The following KIRREL3 variants were observed in gnomAD, a reference collection of about 807,000 sequenced individuals.
The protein encoded by KIRREL3 is kirre like nephrin family adhesion molecule 3, also known as kin of IRRE-like protein 3.
In KIRREL3, 36 loss-of-function variants were observed where a neutral mutation model predicts 89.7. The observed-to-expected ratio is 0.40, with a 90% CI of 0.31 to 0.53. The LOEUF is 0.53. Ranked by LOEUF, KIRREL3 falls within the 20% of genes least tolerant of loss-of-function variation. KIRREL3 has a pLI of 0.49. For missense variants in KIRREL3, 864 were observed against 1,056.6 expected, an observed-to-expected ratio of 0.82 and a Z score of 2.53; for synonymous variants, 445 against 441.4, an observed-to-expected ratio of 1.01 and a Z score of -0.10.
intron 1 of KIRREL3, among the ~76,000 whole-genome samples, chr11:126,633,971 C>T (rs571124659): frequency 6.6e-6 from 1 of 152,278 alleles, no homozygotes; most frequent in Admixed American, 6.5e-5. Context: ...TACCTCCTTC[C>T]ACCTCTTCAG....
chr11:126,686,051 T>C lies in KIRREL3; in HGVS notation c.56-123139A>G, dbSNP rs1409257341. Among the ~76,000 whole-genome samples, 1 of 152,194 alleles carries C rather than the reference T, an allele frequency of 6.6e-6. No homozygotes were observed. The highest frequency in any genetic ancestry group is 1.5e-5 in the Non-Finnish European group (1 of 68,032). ...GATTGAAAGGATTGTCTACTCTGGC[T>C]CTGTGGGCACTGTTCCTGAGGTGTG... On this transcript the variant is annotated intron_variant, in intron 1 of 16. Coordinates refer to ENST00000525144, the MANE Select transcript of KIRREL3 (RefSeq NM_032531.4). This position sits in a 1 kb window ranked among gnomAD's most constrained non-coding sequence, Gnocchi z 4.7.
At chr11:126,911,376 C>T (rs971501470) in intron 1 of KIRREL3, among the ~76,000 whole-genome samples, 7 of 152,136 alleles carry the variant, frequency 4.6e-5, no homozygotes, top group African/African-American at 1.2e-4. Flanking sequence ...AGAGGGAAGC[C>T]GCCAGTGCAT....
intron 5 of KIRREL3, among the ~76,000 whole-genome samples, chr11:126,464,665 G>A (rs547644218): frequency 2.0e-5 from 3 of 152,326 alleles, no homozygotes; most frequent in South Asian, 2.1e-4. Context: ...TGAAGGTGGA[G>A]GCAGAGATTG....
chr11:126,440,163 C>G (rs954976903), intron 11 of KIRREL3: 1 of 647,802 alleles, frequency 1.5e-6, no homozygotes, highest in Admixed American at 2.1e-5. Flanking sequence ...CTCCACTACC[C>G]TCGTGTGCCC....
rs182981733 is a variant in KIRREL3 at position 126,592,272 on chromosome 11, T to C, written c.56-29360A>G. 9.4e-4 allele frequency among the ~76,000 whole-genome samples: 143 copies of C among 152,312 alleles called. 1 individual carries two copies. Among genetic ancestry groups the C allele is most frequent in the African/African-American group, 3.3e-3 (137 of 41,562 alleles). The stretch of plus-strand genomic sequence containing the variant: ...TACTATAAAGGTATCATTGTTCCCT[T>C]TATATGGATGAGAAATACTATGTCT... On this transcript the variant is annotated intron_variant, in intron 1 of 16. Coordinates refer to ENST00000525144, the MANE Select transcript of KIRREL3 (RefSeq NM_032531.4).
chr11:126,451,868 C>G (rs751447167), intron 7 of KIRREL3, among the ~76,000 whole-genome samples: 4 of 152,120 alleles, frequency 2.6e-5, no homozygotes, highest in Non-Finnish European at 5.9e-5. Flanking sequence ...GTTGAAGTGT[C>G]TATGGGGAGT....
At position 127,000,344 on chromosome 11, in the gene KIRREL3, C is replaced by A. The variant is rs754256608; in HGVS notation, c.55+111G>T. On this transcript the variant is annotated intron_variant, in intron 1 of 16. Transcript: ENST00000525144. The surrounding 1 kb of genome is among the most constrained non-coding windows in gnomAD (Gnocchi z 7.1). ...AGCATCTCAGCCCGGCACCGAGAGA[C>A]GCATCCATCAGTCCGAGTTCCCGAA... The A allele has an allele frequency of 1.3e-6, 1 of 787,896 alleles. No homozygotes were observed. The highest frequency in any genetic ancestry group is 2.0e-6 in the Non-Finnish European group (1 of 491,748). The allele number at this position is 787,896 out of a possible 1,614,324, so 48.8% of individuals were successfully genotyped here. A position where few individuals can be genotyped will look rare whatever the true frequency, so the allele number is the denominator to read the frequency against.
Position 126,807,100 on chromosome 11 carries a change from C to T in KIRREL3, c.55+193355G>A, listed in dbSNP as rs1441376680. On this transcript the variant is annotated intron_variant, in intron 1 of 16. Transcript: ENST00000525144. The surrounding 1 kb of genome is among the most constrained non-coding windows in gnomAD (Gnocchi z 4.3). ...TCTTCAAAGGGGATGAAACTGAGAC[C>T]CTGCAAGGATAACTATCTTTTTCCA... Among the ~76,000 whole-genome samples the T allele has an allele frequency of 7.9e-5, 12 of 152,068 alleles. No individual in the cohort carries two copies. Among genetic ancestry groups the T allele is most frequent in the Admixed American group, 2.0e-4 (3 of 15,278 alleles).
rs1255242473 is a variant in KIRREL3, at chr11:126,705,939, G to T, written c.56-143027C>A. On this transcript the variant is annotated intron_variant, in intron 1 of 16. Transcript: ENST00000525144. The surrounding 1 kb of genome is among the most constrained non-coding windows in gnomAD (Gnocchi z 4.3). Reference sequence around the variant, plus strand: ...TGCTCCTTTTCAGAATCTGGCCCCTGTGCTGTGAGAAGCCTACCCCACATG... The same window carrying T: ...TGCTCCTTTTCAGAATCTGGCCCCTTTGCTGTGAGAAGCCTACCCCACATG... 3.9e-5 allele frequency among the ~76,000 whole-genome samples: 6 copies of T among 152,164 alleles called. No homozygotes were observed. Among genetic ancestry groups the T allele is most frequent in the Admixed American group, 1.3e-4 (2 of 15,284 alleles).
At chr11:126,874,951 G>C (rs146273345) in intron 1 of KIRREL3, among the ~76,000 whole-genome samples, 156 of 152,282 alleles carry the variant, frequency 1.0e-3, no homozygotes, top group Non-Finnish European at 2.0e-3. Context: ...ATGCTCCCCT[G>C]TGTCTCACTG....
rs1158683144 is a variant in KIRREL3, at chr11:126,748,644, G to C, written c.56-185732C>G. Among the ~76,000 whole-genome samples the C allele has an allele frequency of 6.6e-6, 1 of 152,094 alleles. No individual in the cohort carries two copies. The highest frequency in any genetic ancestry group is 1.5e-5 in the Non-Finnish European group (1 of 68,028). Reference sequence around the variant, plus strand: ...AGAGGCCTCTGCGGGAAGGGGGCAGGGGCAGGAAGGCCAAGGCTGATTCGG... The same window carrying C: ...AGAGGCCTCTGCGGGAAGGGGGCAGCGGCAGGAAGGCCAAGGCTGATTCGG... On this transcript the variant is annotated intron_variant, in intron 1 of 16. Coordinates refer to ENST00000525144, the MANE Select transcript of KIRREL3 (RefSeq NM_032531.4). This position sits in a 1 kb window ranked among gnomAD's most constrained non-coding sequence, Gnocchi z 4.6.
In KIRREL3 at chr11:126,739,828, G is replaced by A. The variant is rs1948920568; in HGVS notation, c.56-176916C>T. ...GGAGTTTTGGGCCAGCAAATAAAAT[G>A]TGCTCCATTTTGCCAGAGCTGAGGG... On this transcript the variant is annotated intron_variant, in intron 1 of 16. Transcript: ENST00000525144. The surrounding 1 kb of genome is among the most constrained non-coding windows in gnomAD (Gnocchi z 5.5). 6.6e-6 allele frequency among the ~76,000 whole-genome samples: 1 copy of A among 152,188 alleles called. No homozygotes were observed. Among genetic ancestry groups the A allele is most frequent in the Non-Finnish European group, 1.5e-5 (1 of 68,042 alleles).
At position 126,543,541 on chromosome 11, in the gene KIRREL3, G is replaced by A. The variant is rs530415356; in HGVS notation, c.134-16854C>T. 2.0e-4 allele frequency among the ~76,000 whole-genome samples: 30 copies of A among 152,232 alleles called. No individual in the cohort carries two copies. The East Asian group carries it at 3.7e-3, about 19-fold the overall frequency. On this transcript the variant is annotated intron_variant, in intron 2 of 16. Coordinates refer to ENST00000525144, the MANE Select transcript of KIRREL3 (RefSeq NM_032531.4). Reference sequence around the variant, plus strand: ...GGCTTTTTTTCCCCCAACAGTAGCCGGTCAGCAGAGGGTGTTTGATCTGTG... The same window carrying A: ...GGCTTTTTTTCCCCCAACAGTAGCCAGTCAGCAGAGGGTGTTTGATCTGTG...
chr11:126,803,767 T>C (rs1350238054), intron 1 of KIRREL3, among the ~76,000 whole-genome samples: 2 of 152,198 alleles, frequency 1.3e-5, no homozygotes, highest in Non-Finnish European at 2.9e-5. Context: ...TTACCTCTTT[T>C]CTAACCTGCT....
rs1340818635 is a variant in KIRREL3, at chr11:126,624,328, C to T, written c.56-61416G>A. On this transcript the variant is annotated intron_variant, in intron 1 of 16. Transcript: ENST00000525144. The surrounding 1 kb of genome is among the most constrained non-coding windows in gnomAD (Gnocchi z 6.0). The stretch of plus-strand genomic sequence containing the variant: ...CATTCTTGTCTTCTCCTCTGATTTC[C>T]ACTAGGAAAAAACAAAACAAAACAA... 6.6e-6 allele frequency among the ~76,000 whole-genome samples: 1 copy of T among 152,042 alleles called. No homozygotes were observed. The highest frequency in any genetic ancestry group is 1.5e-5 in the Non-Finnish European group (1 of 67,992).
chr11:126,580,093 C>T (rs1317073064), intron 1 of KIRREL3, among the ~76,000 whole-genome samples: 5 of 152,198 alleles, frequency 3.3e-5, no homozygotes, highest in Non-Finnish European at 7.3e-5. Context: ...GATCCACCCA[C>T]CTCTGCCTCC....
At chr11:126,926,346 A>T (rs1947714340) in intron 1 of KIRREL3, among the ~76,000 whole-genome samples, 1 of 152,210 alleles carries the variant, frequency 6.6e-6, no homozygotes, top group Admixed American at 6.5e-5. Context: ...AACATTAAGC[A>T]TTCCTAACAC....
In KIRREL3 at chr11:126,512,731, A is replaced by G. The variant is rs1195029965; in HGVS notation, c.433+8584T>C. 2.0e-5 allele frequency among the ~76,000 whole-genome samples: 3 copies of G among 152,138 alleles called. No homozygotes were observed. In the East Asian group the frequency reaches 5.8e-4, roughly 29 times the overall value. On this transcript the variant is annotated intron_variant, in intron 4 of 16. Coordinates refer to ENST00000525144, the MANE Select transcript of KIRREL3 (RefSeq NM_032531.4). Reference sequence around the variant, plus strand: ...CAGTTGAGCCTGCTCAGCATCTCCCAGGGTCACGCTTGGTTCCAGCAGCTG... The same window carrying G: ...CAGTTGAGCCTGCTCAGCATCTCCCGGGGTCACGCTTGGTTCCAGCAGCTG...
chr11:127,000,795 G>A, upstream of KIRREL3: 1 of 490,742 alleles, frequency 2.0e-6, no homozygotes, highest in Non-Finnish European at 3.6e-6. This position sits in a 1 kb window ranked among gnomAD's most constrained non-coding sequence, Gnocchi z 7.1. Flanking sequence ...CAGGCACACG[G>A]CTTCCTCAGG....
Sources: gnomAD v4.1 joint callset for allele counts (sites outside exome capture counted in the v4.1 genomes callset) on GRCh38, gnomAD v4.1.1 for gene constraint, Gnocchi (gnomAD v3.1) non-coding constraint, MANE v1.5 for transcripts, NCBI Gene and HGNC (gene_info 2026-07-23, HGNC 2026-07-21) for gene names.